ZNF730: variants seen among roughly 807,000 people sequenced by gnomAD.
ZNF730 encodes zinc finger protein 730.
In ZNF730, 12 loss-of-function variants were observed where a neutral mutation model predicts 12.6. The observed-to-expected ratio is 0.95, with a 90% confidence interval of 0.61 to 1.54. ZNF730 has a LOEUF of 1.54. ZNF730 is among the 40% of genes most tolerant of loss of function. The probability of loss-of-function intolerance (pLI) is 0.00; values close to 1 mark genes in which losing one functional copy is unlikely to be tolerated. For synonymous variants in ZNF730, 194 were observed against 195.8 expected (o/e 0.99, Z 0.08); for missense variants, 643 against 583.5 (o/e 1.10, Z -1.05).
intron 1 of ZNF730, among the ~76,000 whole-genome samples, chr19:23,088,471 T>G (rs1257254722): frequency 6.6e-6 from 1 of 151,978 alleles, no homozygotes; most frequent in African/African-American, 2.4e-5. Context: ...TTGTTTTTTG[T>G]TTTTCTCCAG....
At chr19:23,094,137 C>CTGTTT (rs901538433) in intron 1 of ZNF730, among the ~76,000 whole-genome samples, 78 of 152,060 alleles carry the variant, frequency 5.1e-4, no homozygotes, top group African/African-American at 4.8e-4. Context: ...GGGGATCTTT[C>CTGTTT]TGTTTTGTTT....
chr19:23,082,400 G>A (rs1969980034), intron 1 of ZNF730, among the ~76,000 whole-genome samples: 1 of 151,212 alleles, frequency 6.6e-6, no homozygotes, highest in Non-Finnish European at 1.5e-5. Flanking sequence ...AGGCTGGAGT[G>A]CAATGGTACG....
At chr19:23,098,900 A>G (rs1970294802) in intron 1 of ZNF730, among the ~76,000 whole-genome samples, 1 of 152,220 alleles carries the variant, frequency 6.6e-6, no homozygotes, top group Non-Finnish European at 1.5e-5. Flanking sequence ...TGTCTCTCAC[A>G]GCTAGGCTTA....
At position 23,079,389 on chromosome 19, in the gene ZNF730, C is replaced by G. The variant is rs974874365; in HGVS notation, c.-94+4002C>G. Reference sequence around the variant, plus strand: ...GTCAGGCTGGTCTCCAACTCCCGACCTCAGGTGATCCGCCCGCCTTGGCCT... The same window carrying G: ...GTCAGGCTGGTCTCCAACTCCCGACGTCAGGTGATCCGCCCGCCTTGGCCT... On this transcript the variant is annotated intron_variant, in intron 1 of 2. Coordinates refer to the ZNF730 transcript ENST00000593635. 3.7e-4 allele frequency among the ~76,000 whole-genome samples: 57 copies of G among 152,246 alleles called. 1 individual carries two copies. Among genetic ancestry groups the G allele is most frequent in the Non-Finnish European group, 1.8e-4 (12 of 68,014 alleles).
intron 1 of ZNF730, among the ~76,000 whole-genome samples, chr19:23,090,715 T>A (rs1042710046): frequency 5.9e-5 from 9 of 151,906 alleles, no homozygotes; most frequent in African/African-American, 1.7e-4. Context: ...AAAGTGGTTT[T>A]GCTAGGCATG....
chr19:23,111,269 A>G (rs553607773), intron 1 of ZNF730, among the ~76,000 whole-genome samples: 1 of 152,334 alleles, frequency 6.6e-6, no homozygotes, highest in Middle Eastern at 3.4e-3. Context: ...CTGATGAGCC[A>G]TTTAAACATT....
At chr19:23,097,283 T>G (rs1970268276) in intron 1 of ZNF730, among the ~76,000 whole-genome samples, 1 of 152,148 alleles carries the variant, frequency 6.6e-6, no homozygotes, top group South Asian at 2.1e-4. Context: ...GTGCTTCTCC[T>G]GCCTGGACGC....
chr19:23,101,393 C>T (rs910099006), intron 1 of ZNF730, among the ~76,000 whole-genome samples: 1 of 152,194 alleles, frequency 6.6e-6, no homozygotes, highest in African/African-American at 2.4e-5. Flanking sequence ...TTGTGGCTTT[C>T]CTGCCCACAT....
chr19:23,088,717 A>C (rs1970107713), intron 1 of ZNF730, among the ~76,000 whole-genome samples: 1 of 151,462 alleles, frequency 6.6e-6, no homozygotes. Context: ...TGCCTACCTC[A>C]GCTTCCCAAA....
Position 23,110,324 on chromosome 19 carries a change from T to G in ZNF730, c.-93-23756T>G, listed in dbSNP as rs187818798. Among the ~76,000 whole-genome samples the G allele has an allele frequency of 3.2e-3, 447 of 139,814 alleles. 4 individuals carry two copies. Among genetic ancestry groups the G allele is most frequent in the African/African-American group, 0.011 (391 of 36,906 alleles). 91.7% of individuals were successfully genotyped at this position (139,814 alleles called of 152,430 possible). On this transcript the variant is annotated intron_variant, in intron 1 of 2. Coordinates refer to the ZNF730 transcript ENST00000593635. Reference sequence around the variant, plus strand: ...GGAGTTTCACTTTTGTTGCCCAGGCTAGGGTGCAGTGGTGTGATCTTGGCT... The same window carrying G: ...GGAGTTTCACTTTTGTTGCCCAGGCGAGGGTGCAGTGGTGTGATCTTGGCT...
At chr19:23,083,083 G>A (rs931462487) in intron 1 of ZNF730, among the ~76,000 whole-genome samples, 2 of 152,006 alleles carry the variant, frequency 1.3e-5, no homozygotes, top group African/African-American at 2.4e-5. Context: ...CAATAAACAC[G>A]GGAATGCAGA....
chr19:23,098,887 T>C (rs1367623001), intron 1 of ZNF730, among the ~76,000 whole-genome samples: 3 of 152,316 alleles, frequency 2.0e-5, no homozygotes, highest in Non-Finnish European at 4.4e-5. Flanking sequence ...ATAGAAGAGA[T>C]ACTGTCTCTC....
At chr19:23,114,483 T>C (rs1970494596), upstream of ZNF730, among the ~76,000 whole-genome samples, 1 of 133,280 alleles carries the variant, frequency 7.5e-6, no homozygotes, top group Non-Finnish European at 1.6e-5. Flanking sequence ...ATTTTTTTAT[T>C]TTTATTTATT....
At chr19:23,104,223 AC>A (rs771530081) in intron 1 of ZNF730, among the ~76,000 whole-genome samples, 3 of 150,598 alleles carry the variant, frequency 2.0e-5, no homozygotes, top group Non-Finnish European at 4.4e-5. Flanking sequence ...AATCGCTTGA[AC>A]CTGGGAGGCG....
chr19:23,129,579 C>T (rs534364178), intron 1 of ZNF730, among the ~76,000 whole-genome samples: 1 of 150,862 alleles, frequency 6.6e-6, no homozygotes, highest in Non-Finnish European at 1.5e-5. Context: ...GTATCCCCCC[C>T]CCCATTATAT....
rs895010643 is a variant in ZNF730, at chr19:23,127,777, C to T, written c.4-6303C>T. 6.5e-5 allele frequency: 53 copies of T among 815,084 alleles called. No homozygotes were observed. The East Asian group carries it at 1.2e-3, about 19-fold the overall frequency. 50.5% of individuals were successfully genotyped at this position (815,084 alleles called of 1,614,324 possible). ...CTTCCTGAGAGGAAGTTAGGGCCATCGTCCAGGTCTTCCATCCTGGCTGCT... is the reference window on the plus strand; with the variant it reads ...CTTCCTGAGAGGAAGTTAGGGCCATTGTCCAGGTCTTCCATCCTGGCTGCT... On this transcript the variant is annotated intron_variant, in intron 1 of 3. Transcript: ENST00000597761.
Position 23,101,815 on chromosome 19 carries a change from G to A in ZNF730, c.-94+26428G>A, listed in dbSNP as rs535476560. On this transcript the variant is annotated intron_variant, in intron 1 of 2. Transcript: ENST00000593635. Reference sequence around the variant, plus strand: ...GAACTCCTGACCTCGTGTTCTGCCCGCCTCAGCCTCCCAAAGTCCTGGGAT... The same window carrying A: ...GAACTCCTGACCTCGTGTTCTGCCCACCTCAGCCTCCCAAAGTCCTGGGAT... Among the ~76,000 whole-genome samples the A allele has an allele frequency of 7.2e-5, 11 of 152,196 alleles. No homozygotes were observed. The South Asian group carries it at 8.3e-4, about 11-fold the overall frequency.
At chr19:23,095,243 C>G (rs967658469) in intron 1 of ZNF730, 1 of 396,058 alleles carries the variant, frequency 2.5e-6, no homozygotes. Flanking sequence ...TGTGAATCTT[C>G]TGCCTTGGTT....
chr19:23,119,478 T>C (rs1341559537), intron 1 of ZNF730, among the ~76,000 whole-genome samples: 1 of 152,206 alleles, frequency 6.6e-6, no homozygotes, highest in African/African-American at 2.4e-5. Flanking sequence ...ATCAAGGATA[T>C]TAGCCTGAAG....
Sources: gnomAD v4.1 joint callset for allele counts (sites outside exome capture counted in the v4.1 genomes callset) on GRCh38, gnomAD v4.1.1 for gene constraint, MANE v1.5 for transcripts, NCBI Gene and HGNC (gene_info 2026-07-23, HGNC 2026-07-21) for gene names.